The following TCF12 variants were observed in gnomAD, a reference collection of about 807,000 sequenced individuals.
TCF12 encodes transcription factor 12.
A neutral mutation model predicts 86.0 loss-of-function variants in TCF12; 45 were observed. The ratio of observed to expected loss-of-function variants is 0.52; its 90% CI spans 0.41 to 0.67. The LOEUF (loss-of-function observed/expected upper bound fraction) is 0.67, where lower values mean the gene tolerates loss of function less well. Ranked by LOEUF, TCF12 falls within the 30% of genes least tolerant of loss-of-function variation. TCF12 has a pLI of 0.00. For missense variants in TCF12, 881 were observed against 859.9 expected (o/e 1.02, Z -0.31); for synonymous variants, 330 against 299.6 (o/e 1.10, Z -1.05).
intron 3 of TCF12, among the ~76,000 whole-genome samples, chr15:56,975,170 A>G (rs1372508219): frequency 2.6e-5 from 4 of 152,132 alleles, no homozygotes; most frequent in Admixed American, 1.3e-4. Context: ...TTTTGTGATT[A>G]GTAGATTAAG....
intron 20 of TCF12, among the ~76,000 whole-genome samples, chr15:57,283,706 A>G (rs538720576): frequency 6.6e-6 from 1 of 152,336 alleles, no homozygotes; most frequent in South Asian, 2.1e-4. Flanking sequence ...TCATTTGGTC[A>G]GTTTCGTGGC....
At chr15:57,064,100 A>G (rs925711933) in intron 4 of TCF12, among the ~76,000 whole-genome samples, 1 of 152,090 alleles carries the variant, frequency 6.6e-6, no homozygotes, top group Admixed American at 6.5e-5. Context: ...TGCTCTCCAT[A>G]TGTATTTAGC....
chr15:57,002,970 C>G (rs1262136979), intron 3 of TCF12, among the ~76,000 whole-genome samples: 1 of 152,198 alleles, frequency 6.6e-6, no homozygotes, highest in African/African-American at 2.4e-5. Context: ...TTTAAAACTA[C>G]TGTACATCTT....
chr15:56,950,780 G>T (rs1595818920), intron 3 of TCF12, among the ~76,000 whole-genome samples: 1 of 68,726 alleles, frequency 1.5e-5, no homozygotes, highest in Non-Finnish European at 2.7e-5. Context: ...TTTTAAGTTA[G>T]AGTTTTGCTC....
chr15:57,230,179 G>A (rs922486061), intron 8 of TCF12, among the ~76,000 whole-genome samples: 22 of 151,844 alleles, frequency 1.4e-4, no homozygotes, highest in African/African-American at 5.3e-4. Context: ...CTTCCATAAT[G>A]TTAATGTTAT....
In TCF12 at chr15:57,286,779, C is replaced by A. The variant is rs2061948950; in HGVS notation, c.*634C>A. The A allele has an allele frequency of 2.6e-6, 1 of 391,482 alleles. No individual in the cohort carries two copies. The highest frequency in any genetic ancestry group is 5.0e-6 in the Non-Finnish European group (1 of 199,910). 24.3% of individuals were successfully genotyped at this position (391,482 alleles called of 1,614,324 possible). A position where few individuals can be genotyped will look rare whatever the true frequency, so the allele number is the denominator to read the frequency against. On this transcript the variant is annotated 3_prime_UTR_variant, in exon 21 of 21. Coordinates refer to ENST00000333725, the MANE Select transcript of TCF12 (RefSeq NM_207037.2). ...GAAAATATTACTTGGTATAGCATTT[C>A]TCTTGCTCTCATTTTTTGATTTATT...
intron 3 of TCF12, among the ~76,000 whole-genome samples, chr15:56,992,034 A>G (rs980248632): frequency 1.3e-5 from 2 of 152,004 alleles, no homozygotes; most frequent in Non-Finnish European, 2.9e-5. Context: ...TGGGAGGATC[A>G]CTTGAGACCA....
intron 5 of TCF12, among the ~76,000 whole-genome samples, chr15:57,094,733 T>C (rs2049206961): frequency 6.6e-6 from 1 of 152,194 alleles, no homozygotes; most frequent in Non-Finnish European, 1.5e-5. Context: ...CTAAAACTAA[T>C]AGGAAAGCAG....
In TCF12 at chr15:57,231,250, T is replaced by A. The variant is rs766113440; in HGVS notation, c.678T>A (p.Phe226Leu). The change falls in exon 9 of 21, where the codon TTT (phenylalanine) becomes TTA (leucine). Residue 226 changes from phenylalanine (F) to leucine (L), a missense_variant. By Grantham distance (22) the Phe-to-Leu change is conservative (BLOSUM62 0). This residue lies in a region of TCF12 where 766 missense variants were observed against 718.9 expected (regional missense o/e 1.07). Coordinates refer to ENST00000333725, the MANE Select transcript of TCF12 (RefSeq NM_207037.2). ...PPTSMFASTF[F>L]MQDGTHNSSD... The stretch of plus-strand genomic sequence containing the variant: ...CCAGTATGTTCGCTAGCACTTTCTT[T>A]ATGCAAGGTAAGTACTACCAAACAA... 1 of 1,609,332 alleles carries A rather than the reference T, an allele frequency of 6.2e-7. No individual in the cohort carries two copies. The highest frequency in any genetic ancestry group is 8.5e-7 in the Non-Finnish European group (1 of 1,175,890).
intron 3 of TCF12, among the ~76,000 whole-genome samples, chr15:57,004,902 A>G (rs943447004): frequency 1.3e-5 from 2 of 152,342 alleles, no homozygotes; most frequent in East Asian, 3.9e-4. Context: ...CTATGTTTTC[A>G]AGAAAATTTA....
At chr15:57,067,181 T>C (rs2068952094) in intron 4 of TCF12, among the ~76,000 whole-genome samples, 1 of 152,194 alleles carries the variant, frequency 6.6e-6, no homozygotes, top group Admixed American at 6.5e-5. Context: ...TTATCAGAAG[T>C]ACCTACAGCA....
At chr15:57,025,650 GAGA>G (rs2065782688) in intron 3 of TCF12, among the ~76,000 whole-genome samples, 1 of 152,202 alleles carries the variant, frequency 6.6e-6, no homozygotes, top group Admixed American at 6.5e-5. Context: ...TCCAGATGCA[GAGA>G]AGTTGTGTTG....
At chr15:57,251,524 C>T in intron 14 of TCF12, 101 bp downstream of exon 14, 4 of 1,122,078 alleles carry the variant, frequency 3.6e-6, no homozygotes, top group Non-Finnish European at 5.3e-6. Flanking sequence ...TAGCATTGCA[C>T]ATGAATTCTT....
At chr15:56,967,249 G>A (rs1376510659) in intron 3 of TCF12, among the ~76,000 whole-genome samples, 2 of 151,482 alleles carry the variant, frequency 1.3e-5, no homozygotes, top group Admixed American at 6.6e-5. Context: ...AGTGAACATT[G>A]TTTTGACTAC....
At chr15:57,235,223 A>G (rs2059331347) in intron 12 of TCF12, among the ~76,000 whole-genome samples, 1 of 152,168 alleles carries the variant, frequency 6.6e-6, no homozygotes, top group Non-Finnish European at 1.5e-5. Flanking sequence ...CCCACAAAAT[A>G]TTTCAGCTAT....
chr15:57,269,294 C>G (rs748415929), intron 18 of TCF12, among the ~76,000 whole-genome samples: 5 of 141,136 alleles, frequency 3.5e-5, no homozygotes, highest in Non-Finnish European at 7.6e-5. Flanking sequence ...TTCTTTGTCT[C>G]TTTTGATCTT....
chr15:57,160,590 A>G (rs1203683008), intron 5 of TCF12, among the ~76,000 whole-genome samples: 4 of 152,194 alleles, frequency 2.6e-5, no homozygotes, highest in Non-Finnish European at 4.4e-5. Context: ...ATGTCTAACA[A>G]ATGTAGCAGT....
intron 3 of TCF12, among the ~76,000 whole-genome samples, chr15:57,005,611 A>C (rs1369576248): frequency 3.3e-5 from 5 of 152,204 alleles, no homozygotes; most frequent in African/African-American, 1.2e-4. Flanking sequence ...TCTGTCACCC[A>C]GGCTGGAGTG....
intron 3 of TCF12, among the ~76,000 whole-genome samples, chr15:57,008,469 C>T (rs2064618877): frequency 6.6e-6 from 1 of 150,934 alleles, no homozygotes; most frequent in Non-Finnish European, 1.5e-5. Context: ...GATCCTCTTG[C>T]TTCAGCTCCC....
Sources: allele counts gnomAD v4.1 joint callset (sites outside exome capture counted in the v4.1 genomes callset), GRCh38; gene constraint gnomAD v4.1.1; regional missense constraint gnomAD v4.1.1; transcripts MANE v1.5; gene names NCBI Gene and HGNC (gene_info 2026-07-23, HGNC 2026-07-21).